The following MAP2K1 variants were observed in gnomAD, a reference collection of about 807,000 sequenced individuals.
MAP2K1 encodes the protein mitogen-activated protein kinase kinase 1, also known as dual specificity mitogen-activated protein kinase kinase 1.
Under a neutral mutation model 46.3 loss-of-function variants are expected in MAP2K1, and 16 were observed. The observed-to-expected ratio is 0.35, with a 90% confidence interval of 0.23 to 0.52. The LOEUF (loss-of-function observed/expected upper bound fraction) is 0.52. MAP2K1 is among the 20% of genes least tolerant of loss of function. The pLI is 0.94. For missense variants in MAP2K1, 263 were observed against 497.1 expected, an observed-to-expected ratio of 0.53 and a Z score of 4.48; for synonymous variants, 183 against 185.6, an observed-to-expected ratio of 0.99 and a Z score of 0.11.
chr15:66,395,560 ACTTT>A (rs1381990374), intron 1 of MAP2K1, among the ~76,000 whole-genome samples: 1 of 133,516 alleles, frequency 7.5e-6, no homozygotes, highest in Non-Finnish European at 1.6e-5. Context: ...GCCCTCCTCC[ACTTT>A]CTTGCATGAT....
intron 3 of MAP2K1, among the ~76,000 whole-genome samples, chr15:66,442,391 G>T (rs2093506773): frequency 6.6e-6 from 1 of 152,172 alleles, no homozygotes; most frequent in South Asian, 2.1e-4. Context: ...TTATTGCAGT[G>T]CTCTGTTCTT....
chr15:66,479,820 A>G (rs893236557), intron 5 of MAP2K1, among the ~76,000 whole-genome samples: 6 of 151,950 alleles, frequency 3.9e-5, no homozygotes, highest in East Asian at 1.9e-4. Context: ...AATGGTGATT[A>G]CCCCCAGGCT....
chr15:66,452,282 T>C (rs1220597028), intron 5 of MAP2K1, among the ~76,000 whole-genome samples: 3 of 20,416 alleles, frequency 1.5e-4, no homozygotes, highest in East Asian at 1.9e-3. Context: ...AAACTTAGAG[T>C]ATAATAAAAA....
At chr15:66,392,436 C>T (rs2093358848) in intron 1 of MAP2K1, among the ~76,000 whole-genome samples, 1 of 151,332 alleles carries the variant, frequency 6.6e-6, no homozygotes, top group African/African-American at 2.4e-5. Context: ...ACCTCATCTT[C>T]CCAAAGTGCT....
intron 2 of MAP2K1, 61 bp downstream of exon 2, chr15:66,435,298 G>T: frequency 1.5e-6 from 2 of 1,363,104 alleles, no homozygotes; most frequent in South Asian, 1.2e-5. Context: ...GAAGCCTGGG[G>T]ACCAGGGTAG....
At chr15:66,489,355 A>C in intron 9 of MAP2K1, 79 bp downstream of exon 9, 1 of 1,329,328 alleles carries the variant, frequency 7.5e-7, no homozygotes, top group Admixed American at 1.7e-5. Flanking sequence ...AAGCACCAGC[A>C]TTGCTTCTGC....
Position 66,406,715 on chromosome 15 carries a change from A to G in MAP2K1, c.80+19288A>G, listed in dbSNP as rs572271665. ...CTGTCTTCTCTGAGAGTCCAAGGGCAGGAGCAGAAAGGACTTTAAAGATGG... is the reference window on the plus strand; with the variant it reads ...CTGTCTTCTCTGAGAGTCCAAGGGCGGGAGCAGAAAGGACTTTAAAGATGG... On this transcript the variant is annotated intron_variant, in intron 1 of 10. Coordinates refer to ENST00000307102, the MANE Select transcript of MAP2K1 (RefSeq NM_002755.4). Among the ~76,000 whole-genome samples the G allele has an allele frequency of 1.1e-3, 167 of 152,316 alleles. 1 individual carries two copies. Among genetic ancestry groups the G allele is most frequent in the South Asian group, 4.8e-3 (23 of 4,826 alleles).
At chr15:66,479,927 A>C (rs1892874002) in intron 5 of MAP2K1, among the ~76,000 whole-genome samples, 1 of 151,800 alleles carries the variant, frequency 6.6e-6, no homozygotes, top group African/African-American at 2.4e-5. Flanking sequence ...TTTTTGAGGC[A>C]GAGTTTCACT....
At chr15:66,461,512 A>G (rs903032167) in intron 5 of MAP2K1, among the ~76,000 whole-genome samples, 2 of 144,676 alleles carry the variant, frequency 1.4e-5, no homozygotes, top group Non-Finnish European at 3.0e-5. Flanking sequence ...AAATAAATAA[A>G]TAATAAAATA....
chr15:66,423,936 A>G (rs1191739236), intron 1 of MAP2K1, among the ~76,000 whole-genome samples: 1 of 151,782 alleles, frequency 6.6e-6, no homozygotes, highest in Non-Finnish European at 1.5e-5. Flanking sequence ...TATTTTTAGC[A>G]GAGATGGGGT....
At position 66,390,604 on chromosome 15, in the gene MAP2K1, G is replaced by C. The variant is rs185121386; in HGVS notation, c.80+3177G>C. Among the ~76,000 whole-genome samples the C allele has an allele frequency of 3.4e-3, 523 of 152,208 alleles. 7 individuals are homozygous for C. The highest frequency in any genetic ancestry group is 3.7e-3 in the Non-Finnish European group (251 of 67,998). On this transcript the variant is annotated intron_variant, in intron 1 of 10. Coordinates refer to ENST00000307102, the MANE Select transcript of MAP2K1 (RefSeq NM_002755.4). Reference sequence around the variant, plus strand: ...CTCAAAGAAAAATCATGCAAAAATAGCTTTCTTTTGTGTATTTTGCAGAAA... The same window carrying C: ...CTCAAAGAAAAATCATGCAAAAATACCTTTCTTTTGTGTATTTTGCAGAAA...
intron 1 of MAP2K1, among the ~76,000 whole-genome samples, chr15:66,419,543 C>CGGCTAATATG (rs1258797892): frequency 2.0e-5 from 3 of 151,844 alleles, no homozygotes; most frequent in African/African-American, 4.8e-5. Context: ...ATTTCATATG[C>CGGCTAATATG]GGCTAATATG....
At chr15:66,447,208 G>A (rs1176434465) in intron 5 of MAP2K1, among the ~76,000 whole-genome samples, 1 of 150,982 alleles carries the variant, frequency 6.6e-6, no homozygotes, top group Non-Finnish European at 1.5e-5. Flanking sequence ...ACTCCTGGAT[G>A]CATTTTTTTT....
chr15:66,474,815 G>C (rs904287562), intron 5 of MAP2K1, among the ~76,000 whole-genome samples: 3 of 151,674 alleles, frequency 2.0e-5, no homozygotes, highest in African/African-American at 7.3e-5. Flanking sequence ...AAAGAAGATA[G>C]TATATTTGAA....
rs575915113 is a variant in MAP2K1, at chr15:66,431,303, A to G, written c.81-3724A>G. 9.8e-5 allele frequency among the ~76,000 whole-genome samples: 15 copies of G among 152,296 alleles called. No homozygotes were observed. The South Asian group carries it at 2.9e-3, about 29-fold the overall frequency. ...AAACATTTCACCTTGGAAAGGCAGA[A>G]ATTAGCCTTGTTGAACTTCAACTCC... On this transcript the variant is annotated intron_variant, in intron 1 of 10. Coordinates refer to ENST00000307102, the MANE Select transcript of MAP2K1 (RefSeq NM_002755.4).
At chr15:66,419,335 C>T (rs1367649833) in intron 1 of MAP2K1, among the ~76,000 whole-genome samples, 1 of 151,878 alleles carries the variant, frequency 6.6e-6, no homozygotes, top group African/African-American at 2.4e-5. Flanking sequence ...GCCTGGCCAA[C>T]ATGGCAAAAC....
intron 5 of MAP2K1, among the ~76,000 whole-genome samples, chr15:66,477,288 C>T (rs1030609545): frequency 2.0e-5 from 3 of 152,190 alleles, no homozygotes; most frequent in Non-Finnish European, 2.9e-5. Flanking sequence ...GCAGCACAGC[C>T]ATGCCTGAGC....
At chr15:66,467,819 C>T (rs1020384420) in intron 5 of MAP2K1, among the ~76,000 whole-genome samples, 1 of 152,334 alleles carries the variant, frequency 6.6e-6, no homozygotes, top group Non-Finnish European at 1.5e-5. Context: ...CCTTGGCCTC[C>T]CAAAGTGCTG....
At chr15:66,425,053 C>T (rs1328432904) in intron 1 of MAP2K1, among the ~76,000 whole-genome samples, 1 of 152,088 alleles carries the variant, frequency 6.6e-6, no homozygotes, top group African/African-American at 2.4e-5. Context: ...GCCTCGGCCT[C>T]CTAAAGTGCT....
Sources: allele counts gnomAD v4.1 joint callset (sites outside exome capture counted in the v4.1 genomes callset), GRCh38; gene constraint gnomAD v4.1.1; transcripts MANE v1.5; gene names NCBI Gene and HGNC (gene_info 2026-07-23, HGNC 2026-07-21).